ACVR2A: variants seen among roughly 807,000 people sequenced by gnomAD.
ACVR2A encodes the protein activin A receptor type 2A.
A neutral mutation model predicts 61.4 loss-of-function variants in ACVR2A; 7 were observed. The observed-to-expected ratio is 0.11, with a 90% CI of 0.06 to 0.21. ACVR2A has a LOEUF of 0.21. Ranked by LOEUF, ACVR2A falls within the 10% of genes least tolerant of loss-of-function variation. ACVR2A has a pLI of 1.00. For missense variants in ACVR2A, 322 were observed against 621.7 expected, an observed-to-expected ratio of 0.52 and a Z score of 5.13; for synonymous variants, 193 against 208.3, an observed-to-expected ratio of 0.93 and a Z score of 0.63.
intron 1 of ACVR2A, among the ~76,000 whole-genome samples, chr2:147,851,394 TG>T (rs1376735196): frequency 6.6e-6 from 1 of 152,062 alleles, no homozygotes; most frequent in Non-Finnish European, 1.5e-5. Flanking sequence ...ATCTACACAA[TG>T]GGGGGATATT....
chr2:147,899,660 C>G, intron 3 of ACVR2A, 84 bp from the exon 4 acceptor site: 1 of 1,586,304 alleles, frequency 6.3e-7, no homozygotes, highest in Non-Finnish European at 8.6e-7. Flanking sequence ...CCTACCTCTT[C>G]CCCAAAATTT....
At chr2:147,847,677 T>C (rs1685346886) in intron 1 of ACVR2A, among the ~76,000 whole-genome samples, 1 of 152,180 alleles carries the variant, frequency 6.6e-6, no homozygotes, top group African/African-American at 2.4e-5. Flanking sequence ...AGTGTATAAT[T>C]TCCTCCTCTC....
intron 2 of ACVR2A, among the ~76,000 whole-genome samples, chr2:147,898,991 G>A (rs1686810328): frequency 6.6e-6 from 1 of 151,934 alleles, no homozygotes; most frequent in Non-Finnish European, 1.5e-5. Flanking sequence ...TTATCACTTA[G>A]CATGTGTGTA....
At chr2:147,899,083 A>G (rs371463037) in intron 2 of ACVR2A, among the ~76,000 whole-genome samples, 130 of 152,258 alleles carry the variant, frequency 8.5e-4, no homozygotes, top group African/African-American at 3.0e-3. Context: ...TGGAAATGCC[A>G]TATTTCCTGT....
chr2:147,867,247 T>C (rs1473433323), intron 1 of ACVR2A, among the ~76,000 whole-genome samples: 2 of 152,142 alleles, frequency 1.3e-5, no homozygotes, highest in East Asian at 3.8e-4. Context: ...CTGTGGTCTA[T>C]TACTTTTCAA....
intron 1 of ACVR2A, among the ~76,000 whole-genome samples, chr2:147,848,352 C>T (rs575812570): frequency 6.6e-6 from 1 of 152,174 alleles, no homozygotes; most frequent in South Asian, 2.1e-4. Context: ...TGGGGTGAGT[C>T]CCCCTCCCTA....
chr2:147,858,918 G>A (rs1299686825), intron 1 of ACVR2A, among the ~76,000 whole-genome samples: 2 of 151,920 alleles, frequency 1.3e-5, no homozygotes, highest in African/African-American at 4.8e-5. Flanking sequence ...ATTTAAAAAT[G>A]TAAAAACCAT....
intron 1 of ACVR2A, among the ~76,000 whole-genome samples, chr2:147,850,692 A>G (rs1031588872): frequency 6.6e-6 from 1 of 152,142 alleles, no homozygotes; most frequent in African/African-American, 2.4e-5. Flanking sequence ...AATTCCAGGA[A>G]TAGTGTATAG....
rs146029448 is a variant in ACVR2A, at chr2:147,864,292, C to T, written c.55+19085C>T. On this transcript the variant is annotated intron_variant, in intron 1 of 10. Coordinates refer to ENST00000241416, the MANE Select transcript of ACVR2A (RefSeq NM_001616.5). ...TCACCCAGGCTGGAGTGCAGTGGCG[C>T]GATGTCGGCTCACTGCAACCTCCAC... Among the ~76,000 whole-genome samples, 29 of 152,194 alleles carry T rather than the reference C, an allele frequency of 1.9e-4. No homozygotes were observed. The East Asian group carries it at 2.9e-3, about 15-fold the overall frequency.
chr2:147,859,489 C>CAA (rs74267449), intron 1 of ACVR2A, among the ~76,000 whole-genome samples: 8 of 91,482 alleles, frequency 8.7e-5, no homozygotes, highest in African/African-American at 1.2e-4. Context: ...TCACCACAGA[C>CAA]AAAAAAAAAA....
rs1217416361 is a variant in ACVR2A, at chr2:147,927,800, T to G, written c.*526T>G. ...GTGCTGCTGTTCTGTGTACATAAAG[T>G]CATCAAAGTGGGGTACAGTAAAGAG... On this transcript the variant is annotated 3_prime_UTR_variant, in exon 11 of 11. Transcript: ENST00000241416. The G allele has an allele frequency of 6.6e-6, 1 of 152,454 alleles. No individual in the cohort carries two copies. Among genetic ancestry groups the G allele is most frequent in the Non-Finnish European group, 1.5e-5 (1 of 67,996 alleles). 9.4% of individuals were successfully genotyped at this position (152,454 alleles called of 1,614,324 possible).
chr2:147,871,348 C>T (rs1686011531), intron 1 of ACVR2A, among the ~76,000 whole-genome samples: 1 of 151,970 alleles, frequency 6.6e-6, no homozygotes. Flanking sequence ...CTTTATTGTG[C>T]ATTTAGCTCC....
intron 1 of ACVR2A, among the ~76,000 whole-genome samples, chr2:147,895,664 C>T (rs548076890): frequency 2.6e-5 from 4 of 152,062 alleles, no homozygotes. Flanking sequence ...CTTACAGTAT[C>T]GATAAATACA....
intron 1 of ACVR2A, among the ~76,000 whole-genome samples, chr2:147,883,952 C>T (rs573107904): frequency 6.6e-6 from 1 of 152,194 alleles, no homozygotes; most frequent in Admixed American, 6.5e-5. Flanking sequence ...AGAGGGCCTG[C>T]ATCTTCCTAA....
intron 1 of ACVR2A, among the ~76,000 whole-genome samples, chr2:147,857,867 G>C (rs1422373798): frequency 2.0e-5 from 3 of 152,104 alleles, no homozygotes; most frequent in African/African-American, 7.2e-5. Flanking sequence ...TACACCTGCA[G>C]GTTTGTTACA....
In ACVR2A at chr2:147,929,593, G is replaced by C. The variant is rs1212194142; in HGVS notation, c.*2319G>C. ...TTAATAGAAAAACTTTTTATAAGCA[G>C]TAAAATAAGAATGTTCCAGTGACTA... On this transcript the variant is annotated 3_prime_UTR_variant, in exon 11 of 11. Transcript: ENST00000241416. 1 of 152,328 alleles carries C rather than the reference G, an allele frequency of 6.6e-6. No individual in the cohort carries two copies. The highest frequency in any genetic ancestry group is 1.5e-5 in the Non-Finnish European group (1 of 67,950). The allele number at this position is 152,328 out of a possible 1,614,324, so 9.4% of individuals were successfully genotyped here. A position where few individuals can be genotyped will look rare whatever the true frequency, so the allele number is the denominator to read the frequency against.
rs983008087 is a variant in ACVR2A at position 147,899,909 on chromosome 2, G to T, written c.528+11G>T. 6 of 1,612,360 alleles carry T rather than the reference G, an allele frequency of 3.7e-6. No individual in the cohort carries two copies. The African/African-American group carries it at 5.3e-5, about 14-fold the overall frequency. On this transcript the variant is annotated intron_variant, in intron 4 of 10. Coordinates refer to ENST00000241416, the MANE Select transcript of ACVR2A (RefSeq NM_001616.5). ...CTTGTTCCAACTCAAGTAAGTTATT[G>T]TCCTGTACTTTGTAGTGTTTTAAAT...
intron 1 of ACVR2A, among the ~76,000 whole-genome samples, chr2:147,869,401 G>C (rs999689098): frequency 6.6e-6 from 1 of 152,114 alleles, no homozygotes; most frequent in African/African-American, 2.4e-5. Context: ...GTTTATGATT[G>C]CAAGACCCTC....
intron 1 of ACVR2A, among the ~76,000 whole-genome samples, chr2:147,882,523 C>G (rs1418641120): frequency 6.6e-6 from 1 of 152,208 alleles, no homozygotes; most frequent in African/African-American, 2.4e-5. Flanking sequence ...CACTGCACTC[C>G]AGCCTGAACA....
Sources: allele counts gnomAD v4.1 joint callset (sites outside exome capture counted in the v4.1 genomes callset), GRCh38; gene constraint gnomAD v4.1.1; transcripts MANE v1.5; gene names NCBI Gene and HGNC (gene_info 2026-07-23, HGNC 2026-07-21).